Variants in POPDC2 observed in about 807,000 individuals in gnomAD.
POPDC2 encodes the protein popeye domain-containing protein 2.
A neutral mutation model predicts 30.5 loss-of-function variants in POPDC2; 24 were observed. The observed-to-expected ratio is 0.79, with a 90% CI of 0.57 to 1.11. POPDC2 has a LOEUF of 1.11. Ranked by LOEUF, POPDC2 falls within the 50% of genes least tolerant of loss-of-function variation. POPDC2 has a pLI of 0.00. For missense variants in POPDC2, 409 were observed against 447.0 expected (o/e 0.91, Z 0.77); for synonymous variants, 185 against 183.3 (o/e 1.01, Z -0.07).
At chr3:119,656,428 T>C (rs555023743) in intron 1 of POPDC2, among the ~76,000 whole-genome samples, 249 of 152,340 alleles carry the variant, frequency 1.6e-3, no homozygotes, top group Middle Eastern at 6.8e-3. Flanking sequence ...GACTTGCCCA[T>C]GACCACAGGC....
intron 1 of POPDC2, among the ~76,000 whole-genome samples, chr3:119,657,691 G>C (rs1300018750): frequency 6.6e-6 from 1 of 152,246 alleles, no homozygotes; most frequent in Non-Finnish European, 1.5e-5. Flanking sequence ...AGCCACCAAA[G>C]AGTGACAACC....
chr3:119,656,969 C>T (rs2107823421), intron 1 of POPDC2, among the ~76,000 whole-genome samples: 1 of 152,274 alleles, frequency 6.6e-6, no homozygotes, highest in Non-Finnish European at 1.5e-5. Flanking sequence ...GTCACAGGCA[C>T]ATAAATAACT....
At position 119,648,134 on chromosome 3, in the gene POPDC2, G is replaced by T. The variant is rs776394251; in HGVS notation, c.*28C>A. 2.7e-6 allele frequency: 4 copies of T among 1,475,992 alleles called. No individual in the cohort carries two copies. The highest frequency in any genetic ancestry group is 2.2e-5 in the Admixed American group (1 of 45,114). 91.4% of individuals were successfully genotyped at this position (1,475,992 alleles called of 1,614,324 possible). On this transcript the variant is annotated 3_prime_UTR_variant, in exon 3 of 4. Transcript: ENST00000493094. ...GAGTACTTACATAGGATCCTGAGCC[G>T]GTGGCTGTGCCCATGTTAGTTCTCC...
Position 119,642,572 on chromosome 3 carries a change from A to C in POPDC2, c.*44-11T>G. On this transcript the variant is annotated splice_polypyrimidine_tract_variant and intron_variant, in intron 3 of 3. Coordinates refer to ENST00000493094, the MANE Select transcript of POPDC2 (RefSeq NM_001369919.2). ...GAGGAATTCTAGAAGCTGTGGAAAG[A>C]AAAAGAGGGAGGATTTTAGCACTAT... The C allele has an allele frequency of 6.4e-7, 1 of 1,572,118 alleles. No individual in the cohort carries two copies. Among genetic ancestry groups the C allele is most frequent in the Non-Finnish European group, 8.8e-7 (1 of 1,142,130 alleles).
rs1242744692 is a variant in POPDC2 at position 119,659,975 on chromosome 3, C to A, written c.449G>T (p.Gly150Val). Reference protein sequence around the residue: ...LATEQTYAVEGETPINRLSLL... With the variant: ...LATEQTYAVEVETPINRLSLL... The stretch of plus-strand genomic sequence containing the variant: ...GGACAGGCGGTTGATGGGTGTCTCA[C>A]CCTCCACAGCATAGGTCTGTTCAGT... Residue 150 changes from glycine (G) to valine (V), a missense_variant, in exon 1 of 4, where the codon GGT (glycine) becomes GTT (valine). By Grantham distance (109) the Gly-to-Val change is moderately radical. Transcript: ENST00000493094. 6.2e-7 allele frequency: 1 copy of A among 1,605,208 alleles called. No homozygotes were observed. The highest frequency in any genetic ancestry group is 1.1e-5 in the South Asian group (1 of 90,750).
At chr3:119,643,591 C>T in intron 3 of POPDC2, 1 of 631,954 alleles carries the variant, frequency 1.6e-6, no homozygotes, top group Admixed American at 2.4e-5. Context: ...TCACGCCTCA[C>T]AGCAACCCGG....
In POPDC2 at chr3:119,660,498, A is replaced by G. The variant is rs1277205110; in HGVS notation, c.-75T>C. ...GGAAATTCAGAAAATGAATGAATCC[A>G]TCCGCTCAGGGGTCTTCTCACCTCC... On this transcript the variant is annotated 5_prime_UTR_variant, in exon 1 of 4. An upstream start codon of the reference 5' UTR is lost. Coordinates refer to ENST00000493094, the MANE Select transcript of POPDC2 (RefSeq NM_001369919.2). 1 of 1,500,812 alleles carries G rather than the reference A, an allele frequency of 6.7e-7. No individual in the cohort carries two copies. The highest frequency in any genetic ancestry group is 8.9e-7 in the Non-Finnish European group (1 of 1,121,380). 93.0% of individuals were successfully genotyped at this position (1,500,812 alleles called of 1,614,324 possible).
Position 119,660,085 on chromosome 3 carries a change from C to T in POPDC2, c.339G>A (p.Lys113=). 1 of 1,614,210 alleles carries T rather than the reference C, an allele frequency of 6.2e-7. No individual in the cohort carries two copies. Among genetic ancestry groups the T allele is most frequent in the Non-Finnish European group, 8.5e-7 (1 of 1,180,048 alleles). The part of the protein sequence containing the change: ...TLPEEFDLLY[K]TLCLPLQVPL... Reference sequence around the variant, plus strand: ...GCACCTGCAAGGGCAGGCACAGCGTCTTGTAGAGGAGGTCAAACTCCTCAG... The same window carrying T: ...GCACCTGCAAGGGCAGGCACAGCGTTTTGTAGAGGAGGTCAAACTCCTCAG... The change falls in exon 1 of 4, where the codon AAG becomes AAA. Residue 113 remains lysine (K), a synonymous_variant. Coordinates refer to ENST00000493094, the MANE Select transcript of POPDC2 (RefSeq NM_001369919.2).
chr3:119,646,799 G>GT (rs2052750708), intron 3 of POPDC2, among the ~76,000 whole-genome samples: 1 of 152,190 alleles, frequency 6.6e-6, no homozygotes, highest in Non-Finnish European at 1.5e-5. Flanking sequence ...CGAAGAGAGA[G>GT]TGTATAGGTG....
At chr3:119,653,652 T>C (rs960424080) in intron 2 of POPDC2, among the ~76,000 whole-genome samples, 2 of 152,126 alleles carry the variant, frequency 1.3e-5, no homozygotes, top group Non-Finnish European at 2.9e-5. Flanking sequence ...TAATTTTTTG[T>C]ATTTTTAGTA....
At chr3:119,656,272 A>C (rs949087473) in intron 1 of POPDC2, among the ~76,000 whole-genome samples, 1 of 152,100 alleles carries the variant, frequency 6.6e-6, no homozygotes, top group African/African-American at 2.4e-5. Context: ...TTCATAAGAA[A>C]TCCTTGTATT....
At chr3:119,650,300 T>C (rs2052793562) in intron 2 of POPDC2, among the ~76,000 whole-genome samples, 1 of 152,214 alleles carries the variant, frequency 6.6e-6, no homozygotes, top group Admixed American at 6.5e-5. Context: ...TCGAATTCAC[T>C]TCCCTGGCTA....
chr3:119,644,710 C>G (rs1211990570), intron 3 of POPDC2, among the ~76,000 whole-genome samples: 1 of 152,140 alleles, frequency 6.6e-6, no homozygotes, highest in Non-Finnish European at 1.5e-5. Flanking sequence ...CAGCTTCATG[C>G]CTCTCATATA....
chr3:119,655,125 G>A (rs1286768526), intron 1 of POPDC2, among the ~76,000 whole-genome samples: 5 of 152,018 alleles, frequency 3.3e-5, no homozygotes, highest in Admixed American at 1.3e-4. Flanking sequence ...TCAGGAGTTC[G>A]AGACCAGCCT....
chr3:119,654,674 G>T, intron 1 of POPDC2, 61 bp from the exon 2 acceptor site: 1 of 1,197,686 alleles, frequency 8.3e-7, no homozygotes. Flanking sequence ...AGCCACCTAT[G>T]CTGAAGTTAG....
chr3:119,642,794 A>G (rs1431712426), intron 3 of POPDC2, among the ~76,000 whole-genome samples: 1 of 152,248 alleles, frequency 6.6e-6, no homozygotes, highest in Non-Finnish European at 1.5e-5. Flanking sequence ...GTAGAGACCA[A>G]GAGATCAACT....
chr3:119,657,044 C>T (rs2052887476), intron 1 of POPDC2, among the ~76,000 whole-genome samples: 2 of 152,174 alleles, frequency 1.3e-5, no homozygotes, highest in Non-Finnish European at 1.5e-5. Flanking sequence ...AAGATTGGTT[C>T]TCTTTGGGCA....
chr3:119,652,978 C>T (rs1056837979), intron 2 of POPDC2, among the ~76,000 whole-genome samples: 18 of 152,180 alleles, frequency 1.2e-4, no homozygotes, highest in Admixed American at 1.3e-4. Flanking sequence ...TCCAGTGTTT[C>T]CAGGTCCAGC....
intron 2 of POPDC2, among the ~76,000 whole-genome samples, chr3:119,653,426 C>T (rs2052839047): frequency 6.6e-6 from 1 of 151,912 alleles, no homozygotes. Context: ...TGTGAATGCC[C>T]CATGGAGTCC....
Sources: allele counts gnomAD v4.1 joint callset (sites outside exome capture counted in the v4.1 genomes callset), GRCh38; gene constraint gnomAD v4.1.1; transcripts MANE v1.5; gene names NCBI Gene and HGNC (gene_info 2026-07-23, HGNC 2026-07-21).